SAMMSON: variants seen among roughly 807,000 people sequenced by gnomAD.
SAMMSON encodes the protein survival associated mitochondrial melanoma specific oncogenic non-coding RNA.
intron 7 of SAMMSON, among the ~76,000 whole-genome samples, chr3:70,333,220 A>G (rs1200668937): frequency 6.6e-6 from 1 of 152,148 alleles, no homozygotes; most frequent in Non-Finnish European, 1.5e-5. Flanking sequence ...TTGGAGGCTG[A>G]AATGCCACAT....
chr3:70,257,270 A>T lies in SAMMSON; in HGVS notation n.674+7600A>T, dbSNP rs1030129221. On this transcript the variant is annotated intron_variant and non_coding_transcript_variant, in intron 6 of 9. Coordinates refer to ENST00000642114, the Ensembl canonical transcript of SAMMSON. ...CCTGGCACATCTGGCCATTCAAAAAAGTTCAAGAATAGACTTCTTTGGTAA... is the reference window on the plus strand; with the variant it reads ...CCTGGCACATCTGGCCATTCAAAAATGTTCAAGAATAGACTTCTTTGGTAA... Among the ~76,000 whole-genome samples the T allele has an allele frequency of 4.6e-5, 7 of 152,304 alleles. No individual in the cohort carries two copies. The South Asian group carries it at 8.3e-4, about 18-fold the overall frequency.
intron 4 of SAMMSON, among the ~76,000 whole-genome samples, chr3:70,202,883 G>C (rs941766042): frequency 2.0e-5 from 3 of 152,092 alleles, no homozygotes; most frequent in African/African-American, 4.8e-5. Context: ...TCTTTAATTA[G>C]AGTGGAAAAG....
intron 9 of SAMMSON, among the ~76,000 whole-genome samples, chr3:70,362,774 G>T (rs1324510608): frequency 1.3e-5 from 2 of 148,932 alleles, no homozygotes; most frequent in Non-Finnish European, 3.0e-5. Flanking sequence ...ACTCTGATCT[G>T]TGAAATTTTG....
At chr3:70,287,691 ACT>A (rs1702181048) in intron 6 of SAMMSON, among the ~76,000 whole-genome samples, 1 of 151,248 alleles carries the variant, frequency 6.6e-6, no homozygotes, top group Non-Finnish European at 1.5e-5. Context: ...CTGGTCCTGG[ACT>A]CTTTTTGGTT....
At chr3:69,999,787 C>G (rs2066898276), upstream of SAMMSON, 2 of 152,424 alleles carry the variant, frequency 1.3e-5, no homozygotes, top group African/African-American at 4.8e-5. Context: ...GGGAAGAAGA[C>G]ACAGGTGGCT....
intron 8 of SAMMSON, among the ~76,000 whole-genome samples, chr3:70,355,600 G>C (rs1023811375): frequency 2.6e-4 from 39 of 152,036 alleles, no homozygotes; most frequent in African/African-American, 9.2e-4. Flanking sequence ...TGGAAAGAAA[G>C]TGAAAACAGG....
intron 4 of SAMMSON, among the ~76,000 whole-genome samples, chr3:70,186,543 C>T (rs1342605408): frequency 1.3e-5 from 2 of 152,064 alleles, no homozygotes; most frequent in East Asian, 1.9e-4. Context: ...CCTCAAAGTT[C>T]TGGGATTACA....
At chr3:70,020,326 A>G (rs1402525315) in intron 3 of SAMMSON, among the ~76,000 whole-genome samples, 1 of 152,182 alleles carries the variant, frequency 6.6e-6, no homozygotes, top group African/African-American at 2.4e-5. Context: ...CAACAGGAAC[A>G]TGGGTCTTCA....
chr3:70,055,726 G>C (rs1455823415), intron 3 of SAMMSON, among the ~76,000 whole-genome samples: 1 of 151,878 alleles, frequency 6.6e-6, no homozygotes, highest in African/African-American at 2.4e-5. Context: ...GTTGTATGTT[G>C]GAAAAAGGAG....
At chr3:70,407,056 A>G (rs1405369801) in intron 2 of SAMMSON, among the ~76,000 whole-genome samples, 3 of 152,234 alleles carry the variant, frequency 2.0e-5, no homozygotes, top group African/African-American at 7.2e-5. Context: ...AGGAAGATGC[A>G]AAAGGGAAAA....
intron 2 of SAMMSON, among the ~76,000 whole-genome samples, chr3:70,410,116 C>T (rs912081079): frequency 1.3e-5 from 2 of 152,154 alleles, no homozygotes; most frequent in African/African-American, 2.4e-5. Flanking sequence ...AAATCTTTTC[C>T]CCCTAAACTA....
At chr3:70,091,794 CT>C (rs1288651620) in intron 4 of SAMMSON, among the ~76,000 whole-genome samples, 1 of 152,102 alleles carries the variant, frequency 6.6e-6, no homozygotes, top group African/African-American at 2.4e-5. Context: ...AAACTGTATT[CT>C]TCTAAAAGTC....
intron 3 of SAMMSON, among the ~76,000 whole-genome samples, chr3:70,049,732 A>T (rs1559780789): frequency 6.6e-6 from 1 of 152,024 alleles, no homozygotes; most frequent in East Asian, 1.9e-4. Context: ...GAAATGAGGG[A>T]TTTTTTGTTG....
At chr3:70,139,490 T>G (rs1471082833) in intron 4 of SAMMSON, among the ~76,000 whole-genome samples, 31 of 152,172 alleles carry the variant, frequency 2.0e-4, no homozygotes, top group Admixed American at 2.0e-3. Flanking sequence ...TTGTTGGGGC[T>G]CCTTGCAATG....
intron 4 of SAMMSON, among the ~76,000 whole-genome samples, chr3:70,189,676 A>G (rs934843590): frequency 1.3e-5 from 2 of 152,242 alleles, no homozygotes; most frequent in African/African-American, 4.8e-5. Flanking sequence ...AAGAATAGAC[A>G]TCAGCTCCAG....
At chr3:70,387,868 C>T (rs190122335) in intron 9 of SAMMSON, among the ~76,000 whole-genome samples, 1 of 152,082 alleles carries the variant, frequency 6.6e-6, no homozygotes, top group East Asian at 1.9e-4. Context: ...CTTGAATTGC[C>T]TACATGAAAT....
intron 1 of SAMMSON, among the ~76,000 whole-genome samples, chr3:70,007,332 T>A (rs2066931747): frequency 2.0e-5 from 3 of 152,224 alleles, no homozygotes. Flanking sequence ...TTTTTAATGA[T>A]CGCCATTCTA....
At chr3:70,038,854 C>G (rs1294023389) in intron 3 of SAMMSON, among the ~76,000 whole-genome samples, 8 of 152,156 alleles carry the variant, frequency 5.3e-5, no homozygotes, top group Non-Finnish European at 1.2e-4. Flanking sequence ...AGGAGATCAT[C>G]TTGGGTGAGG....
intron 3 of SAMMSON, among the ~76,000 whole-genome samples, chr3:70,065,511 T>C (rs915174872): frequency 6.6e-6 from 1 of 152,024 alleles, no homozygotes; most frequent in African/African-American, 2.4e-5. Context: ...GAAAAGTGCT[T>C]TGTGTTTTGT....
Sources: allele counts gnomAD v4.1 joint callset (sites outside exome capture counted in the v4.1 genomes callset), GRCh38; gene constraint gnomAD v4.1.1; transcripts MANE v1.5; gene names NCBI Gene and HGNC (gene_info 2026-07-23, HGNC 2026-07-21).